The following DLGAP4 variants were observed in gnomAD, a reference collection of about 807,000 sequenced individuals.
DLGAP4 encodes DLG associated protein 4.
DLGAP4 carries 18 observed loss-of-function variants against 86.9 expected under a neutral mutation model. That is an observed-to-expected ratio of 0.21 (90% CI 0.14 to 0.31). The LOEUF is 0.31. Among genes scored for constraint, DLGAP4 ranks in the 10% least tolerant of loss-of-function variants. The pLI is 1.00. For synonymous variants in DLGAP4, 548 were observed against 574.3 expected (o/e 0.95, Z 0.65); for missense variants, 1,085 against 1,362.6 (o/e 0.80, Z 3.21).
chr20:36,461,607 C>A, intron 7 of DLGAP4: 3 of 951,478 alleles, frequency 3.2e-6, no homozygotes, highest in Non-Finnish European at 2.5e-6. Context: ...ACGCCCGGGG[C>A]CCGCCCAGCG....
At chr20:36,509,997 C>G (rs2036600160) in intron 10 of DLGAP4, among the ~76,000 whole-genome samples, 3 of 151,906 alleles carry the variant, frequency 2.0e-5, no homozygotes, top group African/African-American at 7.3e-5. Flanking sequence ...GCTGGGATTA[C>G]AGGCATGCGC....
At chr20:36,459,740 T>C (rs929808352) in intron 7 of DLGAP4, among the ~76,000 whole-genome samples, 1 of 152,266 alleles carries the variant, frequency 6.6e-6, no homozygotes, top group African/African-American at 2.4e-5. Flanking sequence ...CTCAAGTAGC[T>C]GAGATTACAG....
chr20:36,452,175 G>T (rs1464667795), intron 7 of DLGAP4, among the ~76,000 whole-genome samples: 1 of 152,002 alleles, frequency 6.6e-6, no homozygotes, highest in Non-Finnish European at 1.5e-5. Flanking sequence ...GCTCCTTGAA[G>T]ATCGGCTATT....
chr20:36,410,537 A>G (rs2032469373), intron 2 of DLGAP4, among the ~76,000 whole-genome samples: 1 of 152,202 alleles, frequency 6.6e-6, no homozygotes, highest in Non-Finnish European at 1.5e-5. Flanking sequence ...TGCAAGCTAT[A>G]CAAGCATAGC....
intron 2 of DLGAP4, among the ~76,000 whole-genome samples, chr20:36,402,486 G>T (rs140719164): frequency 6.6e-6 from 1 of 152,298 alleles, no homozygotes; most frequent in East Asian, 1.9e-4. Flanking sequence ...AGTGGCTCAT[G>T]CCTGTCATCC....
intron 7 of DLGAP4, among the ~76,000 whole-genome samples, chr20:36,476,892 C>T (rs1259963668): frequency 2.6e-5 from 4 of 151,044 alleles, no homozygotes; most frequent in Non-Finnish European, 4.4e-5. Flanking sequence ...TGGGTTTCTC[C>T]ATTTTAGTCG....
At chr20:36,525,749 G>T in intron 11 of DLGAP4, 102 bp from the exon 12 acceptor site, 1 of 1,516,286 alleles carries the variant, frequency 6.6e-7, no homozygotes, top group South Asian at 1.2e-5. Context: ...GAGCCCCCGC[G>T]GGTGCTGGCA....
In DLGAP4 at chr20:36,527,064, C is replaced by T. The variant is rs1600731927; in HGVS notation, c.*33C>T. 1 of 1,555,702 alleles carries T rather than the reference C, an allele frequency of 6.4e-7. No homozygotes were observed. Among genetic ancestry groups the T allele is most frequent in the Non-Finnish European group, 8.7e-7 (1 of 1,148,114 alleles). ...CAGGAGGAAAGAAACGATTTTAAATCATTAAAAACACAAAAACTAAGTGCG... is the reference window on the plus strand; with the variant it reads ...CAGGAGGAAAGAAACGATTTTAAATTATTAAAAACACAAAAACTAAGTGCG... On this transcript the variant is annotated 3_prime_UTR_variant, in exon 13 of 13. Transcript: ENST00000339266.
chr20:36,307,333 G>C (rs1328543628), intron 1 of DLGAP4, among the ~76,000 whole-genome samples: 1 of 152,170 alleles, frequency 6.6e-6, no homozygotes, highest in African/African-American at 2.4e-5. Context: ...TGCTGGAAGG[G>C]GACAGGTGCT....
chr20:36,477,845 A>G (rs2035015314), intron 7 of DLGAP4, among the ~76,000 whole-genome samples: 1 of 152,224 alleles, frequency 6.6e-6, no homozygotes, highest in African/African-American at 2.4e-5. Flanking sequence ...AGTAGTGGAG[A>G]CCCAGAAATA....
At position 36,432,868 on chromosome 20, in the gene DLGAP4, A is replaced by C. The variant is rs911354320; in HGVS notation, c.999+152A>C. 2 of 968,006 alleles carry C rather than the reference A, an allele frequency of 2.1e-6. No individual in the cohort carries two copies. The highest frequency in any genetic ancestry group is 3.1e-6 in the Non-Finnish European group (2 of 651,938). 60.0% of individuals were successfully genotyped at this position (968,006 alleles called of 1,614,324 possible). ...AATGGGTGGCCTAGTGGTACCTGCTAATCAGGGAGTCCTTCCACTGGTCAT... is the reference window on the plus strand; with the variant it reads ...AATGGGTGGCCTAGTGGTACCTGCTCATCAGGGAGTCCTTCCACTGGTCAT... On this transcript the variant is annotated intron_variant, in intron 3 of 12. Coordinates refer to ENST00000339266, the MANE Select transcript of DLGAP4 (RefSeq NM_001365621.2). The surrounding 1 kb of genome is among the most constrained non-coding windows in gnomAD (Gnocchi z 6.5).
chr20:36,363,469 G>T (rs2030586923), intron 1 of DLGAP4, among the ~76,000 whole-genome samples: 1 of 152,188 alleles, frequency 6.6e-6, no homozygotes, highest in Non-Finnish European at 1.5e-5. Flanking sequence ...CAGTGGCTCG[G>T]TCCACAGCGG....
At chr20:36,319,824 C>T (rs2065147592) in intron 1 of DLGAP4, among the ~76,000 whole-genome samples, 1 of 152,092 alleles carries the variant, frequency 6.6e-6, no homozygotes, top group Non-Finnish European at 1.5e-5. Flanking sequence ...TGCTTGGGCC[C>T]TCCTCCCCTC....
At chr20:36,521,324 C>T (rs2037367572) in intron 10 of DLGAP4, among the ~76,000 whole-genome samples, 1 of 152,196 alleles carries the variant, frequency 6.6e-6, no homozygotes. Context: ...GATGCATGTT[C>T]TTTCTCTTCC....
chr20:36,511,839 C>T (rs1220724914), intron 10 of DLGAP4, among the ~76,000 whole-genome samples: 6 of 147,344 alleles, frequency 4.1e-5, no homozygotes, highest in East Asian at 2.1e-4. Context: ...CATGCCACCG[C>T]GCTCCAGCCT....
chr20:36,325,861 G>T (rs1446777699), intron 1 of DLGAP4, among the ~76,000 whole-genome samples: 2 of 151,900 alleles, frequency 1.3e-5, no homozygotes, highest in Admixed American at 1.3e-4. Context: ...GGGATTATAG[G>T]CACGCACCAC....
At chr20:36,383,230 T>C (rs1284726698) in intron 2 of DLGAP4, among the ~76,000 whole-genome samples, 1 of 152,168 alleles carries the variant, frequency 6.6e-6, no homozygotes, top group East Asian at 1.9e-4. Context: ...CTGTTTACTT[T>C]GAGACCATGT....
intron 2 of DLGAP4, among the ~76,000 whole-genome samples, chr20:36,417,115 A>T (rs931826224): frequency 3.3e-5 from 5 of 152,074 alleles, no homozygotes; most frequent in African/African-American, 1.2e-4. Context: ...AACAATCAGG[A>T]GGGGTGTTGA....
intron 4 of DLGAP4, among the ~76,000 whole-genome samples, chr20:36,437,113 A>G (rs753747593): frequency 3.9e-5 from 6 of 152,256 alleles, no homozygotes; most frequent in African/African-American, 9.6e-5. Context: ...ACTCACTACT[A>G]TAATGATCCA....
Sources: gnomAD v4.1 joint callset for allele counts (sites outside exome capture counted in the v4.1 genomes callset) on GRCh38, gnomAD v4.1.1 for gene constraint, Gnocchi (gnomAD v3.1) non-coding constraint, MANE v1.5 for transcripts, NCBI Gene and HGNC (gene_info 2026-07-23, HGNC 2026-07-21) for gene names.